Variants in AGBL1 observed in about 807,000 individuals in gnomAD.
AGBL1 encodes the protein AGBL carboxypeptidase 1, also known as cytosolic carboxypeptidase 4.
In AGBL1, 130 loss-of-function variants were observed where a neutral mutation model predicts 118.9. That is an observed-to-expected ratio of 1.09 (90% confidence interval 0.95 to 1.26). The LOEUF (loss-of-function observed/expected upper bound fraction) is 1.26, where lower values mean the gene tolerates loss of function less well. Among genes scored for constraint, AGBL1 ranks in the 50% most tolerant of loss-of-function variants. The pLI is 0.00. For synonymous variants in AGBL1, 555 were observed against 478.9 expected (o/e 1.16, Z -2.08); for missense variants, 1,584 against 1,298.1 (o/e 1.22, Z -3.38).
At chr15:87,012,842 A>C (rs1368479153) in intron 24 of AGBL1, among the ~76,000 whole-genome samples, 1 of 152,108 alleles carries the variant, frequency 6.6e-6, no homozygotes, top group Non-Finnish European at 1.5e-5. Context: ...CCTTACCTAG[A>C]GGGAGATGAT....
chr15:86,189,321 C>A (rs1033742788), intron 5 of AGBL1, among the ~76,000 whole-genome samples: 12 of 152,188 alleles, frequency 7.9e-5, no homozygotes, highest in African/African-American at 2.9e-4. Context: ...CCTGTAGACA[C>A]AAAGTGGGTG....
At chr15:87,030,569 C>T (rs2081774217), downstream of AGBL1, among the ~76,000 whole-genome samples, 1 of 151,894 alleles carries the variant, frequency 6.6e-6, no homozygotes, top group Non-Finnish European at 1.5e-5. Flanking sequence ...TGGCAAATAA[C>T]TAAGGAAAGA....
At chr15:86,637,928 T>C (rs1019907889) in intron 21 of AGBL1, among the ~76,000 whole-genome samples, 12 of 152,330 alleles carry the variant, frequency 7.9e-5, no homozygotes, top group African/African-American at 2.9e-4. Context: ...AATTTGCAAT[T>C]TGTTTTCCCA....
At chr15:86,481,541 C>G (rs947303448) in intron 18 of AGBL1, among the ~76,000 whole-genome samples, 6 of 152,020 alleles carry the variant, frequency 3.9e-5, no homozygotes, top group African/African-American at 1.4e-4. Flanking sequence ...TAATAATTTT[C>G]CAAATTGTGG....
intron 21 of AGBL1, among the ~76,000 whole-genome samples, chr15:86,563,510 G>C (rs142706291): frequency 0.59 from 88,376 of 149,698 alleles, 26,558 homozygotes; most frequent in East Asian, 0.89. Context: ...CTGAGAGACA[G>C]TTTGTTATAA....
chr15:86,300,279 A>G (rs758108608), intron 17 of AGBL1, among the ~76,000 whole-genome samples: 2 of 152,126 alleles, frequency 1.3e-5, no homozygotes, highest in Non-Finnish European at 2.9e-5. Flanking sequence ...TGACCATTTT[A>G]GCCTGGAGAA....
chr15:86,812,879 TATA>T (rs912890115), intron 22 of AGBL1, among the ~76,000 whole-genome samples: 3 of 152,104 alleles, frequency 2.0e-5, no homozygotes, highest in African/African-American at 7.2e-5. Context: ...CTAATGTGAG[TATA>T]ATATTTGCAG....
chr15:86,994,342 C>T (rs1014285299), intron 24 of AGBL1, among the ~76,000 whole-genome samples: 1 of 152,138 alleles, frequency 6.6e-6, no homozygotes, highest in African/African-American at 2.4e-5. Flanking sequence ...TGTGATCTCT[C>T]TACGTCCCAG....
At chr15:86,548,878 A>G (rs1257074456) in intron 20 of AGBL1, among the ~76,000 whole-genome samples, 1 of 152,096 alleles carries the variant, frequency 6.6e-6, no homozygotes, top group African/African-American at 2.4e-5. Flanking sequence ...TAATGTTGGC[A>G]TCTGCTTCTG....
intron 1 of AGBL1, among the ~76,000 whole-genome samples, chr15:86,095,863 A>C (rs1896347147): frequency 6.6e-6 from 1 of 151,972 alleles, no homozygotes; most frequent in Admixed American, 6.6e-5. Flanking sequence ...CTTTGCTATT[A>C]ATTGGCTATG....
intron 24 of AGBL1, among the ~76,000 whole-genome samples, chr15:87,004,153 C>T (rs1206470161): frequency 1.3e-5 from 2 of 152,184 alleles, no homozygotes; most frequent in East Asian, 3.9e-4. Flanking sequence ...CCCAGAGATT[C>T]TGGTATGTTG....
chr15:86,352,484 T>C (rs548618341), intron 17 of AGBL1, among the ~76,000 whole-genome samples: 1 of 151,778 alleles, frequency 6.6e-6, no homozygotes, highest in African/African-American at 2.4e-5. Flanking sequence ...TCCTTTACTT[T>C]TTTTTTTTTT....
intron 1 of AGBL1, among the ~76,000 whole-genome samples, chr15:86,096,792 A>C (rs1282064829): frequency 6.6e-6 from 1 of 152,188 alleles, no homozygotes; most frequent in Non-Finnish European, 1.5e-5. Context: ...TTCCTTGAGT[A>C]ACCTAGTATA....
Position 86,143,856 on chromosome 15 carries a change from T to C in AGBL1, c.262+11T>C. 6.2e-7 allele frequency: 1 copy of C among 1,613,056 alleles called. No homozygotes were observed. The highest frequency in any genetic ancestry group is 8.5e-7 in the Non-Finnish European group (1 of 1,179,354). On this transcript the variant is annotated intron_variant, in intron 3 of 22. Transcript: ENST00000614907. ...AAGTTGGCCTAAGAGGTACTCGTAC[T>C]CCAAGACCTAAAGCTGACTGAAAAG... is the stretch of plus-strand genomic sequence containing the variant.
At chr15:86,465,889 C>T (rs1444365523) in intron 18 of AGBL1, among the ~76,000 whole-genome samples, 1 of 152,150 alleles carries the variant, frequency 6.6e-6, no homozygotes, top group Non-Finnish European at 1.5e-5. Flanking sequence ...TATTTTATTG[C>T]CTTTGAAGCA....
At chr15:86,709,266 CT>C (rs1425794812) in intron 22 of AGBL1, among the ~76,000 whole-genome samples, 9 of 152,048 alleles carry the variant, frequency 5.9e-5, no homozygotes. Context: ...ACTCTCTAGA[CT>C]TTTTTGGGCA....
chr15:86,262,369 C>T (rs940602479), intron 9 of AGBL1, among the ~76,000 whole-genome samples: 1 of 151,904 alleles, frequency 6.6e-6, no homozygotes, highest in East Asian at 1.9e-4. Flanking sequence ...TGCTCACAGT[C>T]GGTGCTGATT....
chr15:86,328,673 C>A (rs931838656), intron 17 of AGBL1, among the ~76,000 whole-genome samples: 1 of 152,008 alleles, frequency 6.6e-6, no homozygotes, highest in Non-Finnish European at 1.5e-5. Flanking sequence ...TGAGTGAAGC[C>A]CCAGTACATG....
At chr15:86,639,210 C>T (rs117782546) in intron 21 of AGBL1, among the ~76,000 whole-genome samples, 5,103 of 152,242 alleles carry the variant, frequency 0.034, 145 homozygotes, top group Non-Finnish European at 0.052. Context: ...GAGGCTGTTA[C>T]ACAGAGGCAC....
Sources: gnomAD v4.1 joint callset for allele counts (sites outside exome capture counted in the v4.1 genomes callset) on GRCh38, gnomAD v4.1.1 for gene constraint, MANE v1.5 for transcripts, NCBI Gene and HGNC (gene_info 2026-07-23, HGNC 2026-07-21) for gene names.